TMCC1: variants seen among roughly 807,000 people sequenced by gnomAD.
TMCC1 encodes the protein transmembrane and coiled-coil domain family 1, also known as transmembrane and coiled-coil domains protein 1.
A neutral mutation model predicts 52.4 loss-of-function variants in TMCC1; 15 were observed. That is an observed-to-expected ratio of 0.29 (90% CI 0.19 to 0.44). The LOEUF (loss-of-function observed/expected upper bound fraction) is 0.44. Ranked by LOEUF, TMCC1 falls within the 20% of genes least tolerant of loss-of-function variation. The pLI is 1.00. For missense variants in TMCC1, 503 were observed against 806.0 expected (o/e 0.62, Z 4.55); for synonymous variants, 279 against 301.9 (o/e 0.92, Z 0.79).
chr3:129,747,553 T>C (rs1264729790), intron 4 of TMCC1, among the ~76,000 whole-genome samples: 1 of 152,190 alleles, frequency 6.6e-6, no homozygotes, highest in Non-Finnish European at 1.5e-5. Context: ...CTTTCCATAT[T>C]TGGAACTCTC....
chr3:129,662,321 A>G (rs2087099617), intron 5 of TMCC1, among the ~76,000 whole-genome samples: 1 of 152,158 alleles, frequency 6.6e-6, no homozygotes. Context: ...ACAAATCTAG[A>G]TAGTACAGCC....
At chr3:129,734,131 G>A (rs949079295) in intron 4 of TMCC1, among the ~76,000 whole-genome samples, 78 of 152,152 alleles carry the variant, frequency 5.1e-4, no homozygotes, top group Admixed American at 3.3e-4. Flanking sequence ...AGTATTCACT[G>A]TAGCACTGTT....
At chr3:129,746,757 T>C (rs917741468) in intron 4 of TMCC1, among the ~76,000 whole-genome samples, 20 of 152,194 alleles carry the variant, frequency 1.3e-4, no homozygotes, top group Admixed American at 1.3e-3. Context: ...TCCCCTATAT[T>C]CTTTACAAGG....
At chr3:129,803,529 G>A (rs537819781) in intron 4 of TMCC1, among the ~76,000 whole-genome samples, 69 of 152,268 alleles carry the variant, frequency 4.5e-4, no homozygotes, top group African/African-American at 1.4e-3. Context: ...TAAAAAAAGC[G>A]ATACTAATTG....
intron 4 of TMCC1, among the ~76,000 whole-genome samples, chr3:129,689,283 A>G (rs533942921): frequency 6.6e-6 from 1 of 152,310 alleles, no homozygotes; most frequent in Admixed American, 6.5e-5. Flanking sequence ...CACCCAAGAC[A>G]CTACGTGACA....
intron 4 of TMCC1, among the ~76,000 whole-genome samples, chr3:129,733,980 C>G (rs2050742300): frequency 6.6e-6 from 1 of 152,120 alleles, no homozygotes; most frequent in African/African-American, 2.4e-5. Context: ...CATAATCACT[C>G]TGGATAGCAA....
At chr3:129,689,538 G>A (rs887120710) in intron 4 of TMCC1, among the ~76,000 whole-genome samples, 19 of 152,134 alleles carry the variant, frequency 1.2e-4, no homozygotes, top group African/African-American at 4.3e-4. Flanking sequence ...TAAAGCCTAT[G>A]AGCCTGGGGG....
chr3:129,694,301 G>A (rs1008675607), intron 4 of TMCC1, among the ~76,000 whole-genome samples: 2 of 152,208 alleles, frequency 1.3e-5, no homozygotes, highest in Admixed American at 1.3e-4. Flanking sequence ...AAACTGTATG[G>A]CTCTGGATTT....
chr3:129,845,317 A>T (rs2059612728), intron 2 of TMCC1, among the ~76,000 whole-genome samples: 1 of 152,192 alleles, frequency 6.6e-6, no homozygotes, highest in Non-Finnish European at 1.5e-5. Context: ...CCAACTGAGC[A>T]ATCAATAGAA....
chr3:129,827,056 T>C (rs1339024574), intron 4 of TMCC1, among the ~76,000 whole-genome samples: 1 of 152,168 alleles, frequency 6.6e-6, no homozygotes, highest in Non-Finnish European at 1.5e-5. Context: ...AGCTAAGACA[T>C]TGCCTCTGTT....
At chr3:129,679,229 C>T (rs546258580) in intron 4 of TMCC1, among the ~76,000 whole-genome samples, 92 of 152,354 alleles carry the variant, frequency 6.0e-4, no homozygotes, top group African/African-American at 1.9e-3. Context: ...GACACCTGCA[C>T]GGCTTGCTCC....
At chr3:129,681,847 G>GTA (rs2089010672) in intron 4 of TMCC1, among the ~76,000 whole-genome samples, 1 of 151,284 alleles carries the variant, frequency 6.6e-6, no homozygotes, top group South Asian at 2.1e-4. Context: ...GGTGGAGGGT[G>GTA]TAGTGAGCTG....
chr3:129,783,497 T>C (rs1261527302), intron 4 of TMCC1, among the ~76,000 whole-genome samples: 2 of 151,798 alleles, frequency 1.3e-5, no homozygotes, highest in Non-Finnish European at 2.9e-5. Context: ...GATTATCACC[T>C]CCTGACAAAG....
At chr3:129,824,610 C>G (rs2058577279) in intron 4 of TMCC1, among the ~76,000 whole-genome samples, 1 of 152,082 alleles carries the variant, frequency 6.6e-6, no homozygotes, top group African/African-American at 2.4e-5. Flanking sequence ...GAGGTAGGGT[C>G]AATAAACCTG....
intron 4 of TMCC1, chr3:129,794,266 A>G (rs991263685): frequency 2.2e-6 from 1 of 455,480 alleles, no homozygotes; most frequent in African/African-American, 2.0e-5. Context: ...AGAAAAAGGA[A>G]CCATGCTGAA....
chr3:129,772,534 T>C (rs2054673951), intron 4 of TMCC1, among the ~76,000 whole-genome samples: 1 of 150,680 alleles, frequency 6.6e-6, no homozygotes. Flanking sequence ...GCTAACACGG[T>C]GAAACCCCGT....
At chr3:129,857,742 T>TC (rs1480065482) in intron 2 of TMCC1, among the ~76,000 whole-genome samples, 1 of 151,474 alleles carries the variant, frequency 6.6e-6, no homozygotes, top group Non-Finnish European at 1.5e-5. Context: ...TTTGTATTTT[T>TC]TTAGTAGAGA....
intron 2 of TMCC1, among the ~76,000 whole-genome samples, chr3:129,836,190 A>G (rs2059151766): frequency 6.6e-6 from 1 of 152,202 alleles, no homozygotes; most frequent in Admixed American, 6.5e-5. Context: ...GTAATAACAT[A>G]GCCTCCAAAT....
At chr3:129,703,785 C>A (rs74281806) in intron 4 of TMCC1, among the ~76,000 whole-genome samples, 1 of 152,088 alleles carries the variant, frequency 6.6e-6, no homozygotes, top group Non-Finnish European at 1.5e-5. Flanking sequence ...GGGGAATTAG[C>A]TGAAGTTTAG....
Sources: gnomAD v4.1 joint callset for allele counts (sites outside exome capture counted in the v4.1 genomes callset) on GRCh38, gnomAD v4.1.1 for gene constraint, MANE v1.5 for transcripts, NCBI Gene and HGNC (gene_info 2026-07-23, HGNC 2026-07-21) for gene names.